Variants in MNS1 observed in about 807,000 individuals in gnomAD.
MNS1 encodes meiosis specific nuclear structural 1.
Under a neutral mutation model 72.0 loss-of-function variants are expected in MNS1, and 63 were observed. The observed-to-expected ratio is 0.87, with a 90% confidence interval of 0.71 to 1.08. MNS1 has a LOEUF of 1.08. Among genes scored for constraint, MNS1 ranks in the 50% least tolerant of loss-of-function variants. MNS1 has a pLI of 0.00. For synonymous variants in MNS1, 188 were observed against 172.1 expected (o/e 1.09, Z -0.72); for missense variants, 604 against 562.4 (o/e 1.07, Z -0.75).
intron 3 of MNS1, among the ~76,000 whole-genome samples, chr15:56,449,945 T>C (rs2050936605): frequency 6.6e-6 from 1 of 152,226 alleles, no homozygotes. Flanking sequence ...TCTTTTACTC[T>C]GTCATCCCTA....
intron 3 of MNS1, among the ~76,000 whole-genome samples, chr15:56,452,778 A>G (rs538960299): frequency 6.6e-6 from 1 of 152,232 alleles, no homozygotes; most frequent in East Asian, 1.9e-4. Context: ...TCGGCCTCCC[A>G]AAGTGCTGGG....
In MNS1 at chr15:56,461,987, T is replaced by G. The variant is rs1408160552; in HGVS notation, c.225+2039A>C. Among the ~76,000 whole-genome samples the G allele has an allele frequency of 8.9e-3, 1,212 of 136,384 alleles. 43 individuals carry two copies. The highest frequency in any genetic ancestry group is 0.037 in the East Asian group (180 of 4,838). 89.5% of individuals were successfully genotyped at this position (136,384 alleles called of 152,430 possible). A position where few individuals can be genotyped will look rare whatever the true frequency, so the allele number is the denominator to read the frequency against. On this transcript the variant is annotated intron_variant, in intron 2 of 9. Coordinates refer to ENST00000260453, the MANE Select transcript of MNS1 (RefSeq NM_018365.4). ...TTTTTTTGTTGTTGTTTTTTTTTTT[T>G]TTTTTTTTTTTTTTTTTTTTTTTGT...
intron 8 of MNS1, among the ~76,000 whole-genome samples, chr15:56,433,050 C>CAACA: frequency 6.6e-6 from 1 of 152,240 alleles, no homozygotes; most frequent in East Asian, 1.9e-4. Context: ...ATTCCCTCTC[C>CAACA]AACACTTAAA....
intron 3 of MNS1, 54 bp downstream of exon 3, chr15:56,456,340 A>T (rs927711190): frequency 1.4e-5 from 21 of 1,529,752 alleles, no homozygotes; most frequent in Non-Finnish European, 1.6e-5. Flanking sequence ...TAAGGATTAC[A>T]TAAGAGTTTA....
intron 2 of MNS1, among the ~76,000 whole-genome samples, chr15:56,462,076 C>T (rs779718141): frequency 7.0e-6 from 1 of 142,926 alleles, no homozygotes; most frequent in Non-Finnish European, 1.5e-5. Context: ...AAGATCATAG[C>T]TCACTGCAGC....
chr15:56,440,456 A>C (rs1197282974), intron 7 of MNS1, among the ~76,000 whole-genome samples: 1 of 152,178 alleles, frequency 6.6e-6, no homozygotes. Flanking sequence ...CAGCTAATAC[A>C]ATCTTGAGCA....
chr15:56,457,580 T>G (rs1431193808), intron 2 of MNS1, among the ~76,000 whole-genome samples: 2 of 152,158 alleles, frequency 1.3e-5, no homozygotes, highest in African/African-American at 2.4e-5. Context: ...CCCAGCACTT[T>G]GGGAGGCTAA....
chr15:56,439,937 T>C lies in MNS1; in HGVS notation c.1011+3493A>G, dbSNP rs79663413. ...TGGAGAACATTTGCTCTAAGAAAAATCGTGCTCTAAGATCATGTTAAAAGG... is the reference window on the plus strand; with the variant it reads ...TGGAGAACATTTGCTCTAAGAAAAACCGTGCTCTAAGATCATGTTAAAAGG... On this transcript the variant is annotated intron_variant, in intron 7 of 9. Transcript: ENST00000260453. Among the ~76,000 whole-genome samples the C allele has an allele frequency of 5.3e-3, 812 of 151,856 alleles. 6 individuals carry two copies. The highest frequency in any genetic ancestry group is 0.019 in the African/African-American group (767 of 41,432).
At chr15:56,442,057 G>GA (rs1186916064) in intron 7 of MNS1, among the ~76,000 whole-genome samples, 4 of 151,444 alleles carry the variant, frequency 2.6e-5, no homozygotes, top group Non-Finnish European at 5.9e-5. Context: ...TAAATAAAAA[G>GA]AAAAAATAGG....
At chr15:56,438,783 C>G (rs947112345) in intron 7 of MNS1, among the ~76,000 whole-genome samples, 4 of 151,916 alleles carry the variant, frequency 2.6e-5, no homozygotes, top group African/African-American at 9.7e-5. Flanking sequence ...AAAAAGAACT[C>G]AAATTTACAA....
At chr15:56,457,864 C>T (rs1328657906) in intron 2 of MNS1, among the ~76,000 whole-genome samples, 3 of 150,414 alleles carry the variant, frequency 2.0e-5, no homozygotes, top group African/African-American at 7.3e-5. Flanking sequence ...AACAATTTTA[C>T]CTCTTAAGCA....
Position 56,460,009 on chromosome 15 carries a change from A to AAAAAATATATATATATATATATAT in MNS1, c.226-3489_226-3488insATATATATATATATATATATTTTT. ...CTGTCTCAAAAAAAAAAAAAAAAAA[A>AAAAAATATATATATATATATATAT]ATACATATATATATATATATATATA... is the stretch of plus-strand genomic sequence containing the variant. On this transcript the variant is annotated intron_variant, in intron 2 of 9. Coordinates refer to ENST00000260453, the MANE Select transcript of MNS1 (RefSeq NM_018365.4). Among the ~76,000 whole-genome samples, 6 of 26,388 alleles carry AAAAAATATATATATATATATATAT rather than the reference A, an allele frequency of 2.3e-4. 1 individual carries two copies. The highest frequency in any genetic ancestry group is 4.2e-4 in the Non-Finnish European group (6 of 14,310). 17.3% of individuals were successfully genotyped at this position (26,388 alleles called of 152,430 possible).
chr15:56,447,957 T>C (rs1327501740), intron 3 of MNS1, among the ~76,000 whole-genome samples: 1 of 152,238 alleles, frequency 6.6e-6, no homozygotes, highest in Non-Finnish European at 1.5e-5. Context: ...ATACATCCAT[T>C]TATTGCATAT....
intron 7 of MNS1, among the ~76,000 whole-genome samples, chr15:56,436,466 G>A (rs1174099073): frequency 6.6e-6 from 1 of 152,144 alleles, no homozygotes. Context: ...AGTGTGTAGA[G>A]GGAAATTTAT....
At chr15:56,434,105 A>C in intron 8 of MNS1, 33 bp downstream of exon 8, 1 of 1,595,454 alleles carries the variant, frequency 6.3e-7, no homozygotes, top group Middle Eastern at 1.7e-4. Flanking sequence ...GTTTAATGAT[A>C]ATGACCAAAA....
At position 56,428,767 on chromosome 15, in the gene MNS1, G is replaced by A. The variant is rs2140301433; in HGVS notation, c.*334C>T. The A allele has an allele frequency of 2.9e-6, 1 of 350,088 alleles. No homozygotes were observed. The highest frequency in any genetic ancestry group is 6.0e-5 in the South Asian group (1 of 16,756). 21.7% of individuals were successfully genotyped at this position (350,088 alleles called of 1,614,324 possible). ...ATATTTATTTCCCTGGCTAAATCAA[G>A]TAAGTAAAGTTCGTAAACACAGACA... is the stretch of plus-strand genomic sequence containing the variant. On this transcript the variant is annotated 3_prime_UTR_variant, in exon 10 of 10. Transcript: ENST00000260453.
intron 7 of MNS1, among the ~76,000 whole-genome samples, chr15:56,439,576 A>G (rs2050784423): frequency 6.6e-6 from 1 of 152,158 alleles, no homozygotes; most frequent in South Asian, 2.1e-4. Flanking sequence ...AAACATGCCA[A>G]CTGTGTTTTA....
At chr15:56,464,695 C>T (rs1209927587) in intron 1 of MNS1, among the ~76,000 whole-genome samples, 1 of 152,164 alleles carries the variant, frequency 6.6e-6, no homozygotes, top group Non-Finnish European at 1.5e-5. Context: ...TATCAATTCG[C>T]TTTCTCCTAC....
chr15:56,456,392 AC>A lies in MNS1; in HGVS notation c.353+1del. ...AAATGAAATTTAGAGAAACCAAGATACCTGTTTTCTCTTACTTGTTGCCTCA... is the reference window on the plus strand; with the variant it reads ...AAATGAAATTTAGAGAAACCAAGATACTGTTTTCTCTTACTTGTTGCCTCA... On this transcript the variant is annotated splice_donor_variant, in intron 3 of 9. Transcript: ENST00000260453. LOFTEE classifies it high-confidence loss of function. 6.2e-7 allele frequency: 1 copy of A among 1,601,092 alleles called. No individual in the cohort carries two copies. The highest frequency in any genetic ancestry group is 1.1e-5 in the South Asian group (1 of 87,600).
Sources: gnomAD v4.1 joint callset for allele counts (sites outside exome capture counted in the v4.1 genomes callset) on GRCh38, gnomAD v4.1.1 for gene constraint, MANE v1.5 for transcripts, NCBI Gene and HGNC (gene_info 2026-07-23, HGNC 2026-07-21) for gene names.